The following PCDHA10 variants were observed in gnomAD, a reference collection of about 807,000 sequenced individuals.
PCDHA10 encodes the protein protocadherin alpha 10, also known as protocadherin alpha-10.
Under a neutral mutation model 61.2 loss-of-function variants are expected in PCDHA10, and 45 were observed. The ratio of observed to expected loss-of-function variants is 0.74; its 90% CI spans 0.58 to 0.94. The LOEUF is 0.94. PCDHA10 is among the 40% of genes least tolerant of loss of function. The pLI is 0.00. For missense variants in PCDHA10, 1,278 were observed against 1,236.2 expected, an observed-to-expected ratio of 1.03 and a Z score of -0.51; for synonymous variants, 602 against 548.8, an observed-to-expected ratio of 1.10 and a Z score of -1.35.
At chr5:140,926,942 C>CT in intron 1 of PCDHA10, 1 of 1,585,854 alleles carries the variant, frequency 6.3e-7, no homozygotes, top group Non-Finnish European at 8.6e-7. Flanking sequence ...TCCTGCGGCG[C>CT]TGCAGCGGGA....
chr5:141,006,405 C>A (rs782532612), intron 3 of PCDHA10, among the ~76,000 whole-genome samples: 1 of 151,798 alleles, frequency 6.6e-6, no homozygotes, highest in Non-Finnish European at 1.5e-5. Context: ...AGTAGAGACG[C>A]GGTTTCACTG....
intron 1 of PCDHA10, among the ~76,000 whole-genome samples, chr5:140,886,827 G>GAAA (rs782016620): frequency 3.3e-5 from 2 of 60,922 alleles, no homozygotes; most frequent in Non-Finnish European, 6.7e-5. Flanking sequence ...ACTTCGTCTT[G>GAAA]AAAAAAAAAA....
At chr5:140,948,273 T>A (rs1563231021) in intron 1 of PCDHA10, among the ~76,000 whole-genome samples, 1 of 151,602 alleles carries the variant, frequency 6.6e-6, no homozygotes, top group South Asian at 2.1e-4. Context: ...ATGTAGAATA[T>A]CTGTAAATAA....
chr5:140,929,736 T>A, intron 1 of PCDHA10: 1 of 201,874 alleles, frequency 5.0e-6, no homozygotes, highest in Non-Finnish European at 1.1e-5. Context: ...CTTAAACTAT[T>A]GCAATGCATT....
At chr5:140,894,223 T>C (rs2064371572) in intron 1 of PCDHA10, among the ~76,000 whole-genome samples, 1 of 152,124 alleles carries the variant, frequency 6.6e-6, no homozygotes. Context: ...ATTTTAAAGA[T>C]GTTGAATGAC....
intron 1 of PCDHA10, among the ~76,000 whole-genome samples, chr5:140,906,981 G>A (rs1554192831): frequency 6.6e-6 from 1 of 152,122 alleles, no homozygotes; most frequent in Non-Finnish European, 1.5e-5. Flanking sequence ...GTCTTCTGGT[G>A]GCAGCATTCC....
chr5:140,863,062 G>C (rs62384481), intron 1 of PCDHA10: 2 of 565,590 alleles, frequency 3.5e-6, no homozygotes, highest in African/African-American at 3.8e-5. Flanking sequence ...CCCGTTCCAC[G>C]TGGGGCTCTG....
intron 1 of PCDHA10, among the ~76,000 whole-genome samples, chr5:140,965,212 T>G (rs1360102713): frequency 6.6e-6 from 1 of 152,180 alleles, no homozygotes; most frequent in African/African-American, 2.4e-5. Context: ...CAAATTCCTG[T>G]GGAAGAAATG....
chr5:140,983,009 G>C (rs1272086703), intron 3 of PCDHA10, among the ~76,000 whole-genome samples: 2 of 151,884 alleles, frequency 1.3e-5, no homozygotes, highest in Non-Finnish European at 2.9e-5. Flanking sequence ...AAAGAAAAAG[G>C]AAGGAAGGAA....
intron 1 of PCDHA10, among the ~76,000 whole-genome samples, chr5:140,941,211 C>CT (rs59928198): frequency 0.24 from 30,589 of 127,372 alleles, 3,669 homozygotes; most frequent in South Asian, 0.38. Context: ...TCCTTTCTTT[C>CT]TTCCTTTCTT....
Position 140,857,545 on chromosome 5 carries a change from C to A in PCDHA10, c.1497C>A (p.Gly499=), listed in dbSNP as rs782516369. 1 of 1,596,810 alleles carries A rather than the reference C, an allele frequency of 6.3e-7. No homozygotes were observed. The highest frequency in any genetic ancestry group is 1.3e-5 in the African/African-American group (1 of 74,390). The change falls in exon 1 of 4, where the codon GGC becomes GGA. Residue 499 remains glycine, a synonymous_variant. Transcript: ENST00000307360. Reference sequence around the variant, plus strand: ...ACTCTCTGGTGGAGCGGCGGTTGGGCGAGCGCTCGCTGTCGAGCTACGTGT... The same window carrying A: ...ACTCTCTGGTGGAGCGGCGGTTGGGAGAGCGCTCGCTGTCGAGCTACGTGT... ...VSYSLVERRL[G]ERSLSSYVSV...
chr5:140,962,028 C>T (rs1046578713), intron 1 of PCDHA10, among the ~76,000 whole-genome samples: 81 of 152,150 alleles, frequency 5.3e-4, no homozygotes, highest in African/African-American at 1.8e-3. Context: ...GGACTACAGG[C>T]ACCCACCACC....
chr5:140,959,729 C>T (rs910806194), intron 1 of PCDHA10, among the ~76,000 whole-genome samples: 3 of 152,126 alleles, frequency 2.0e-5, no homozygotes, highest in South Asian at 4.1e-4. Context: ...ATAACATTAT[C>T]TCATCAAAAT....
intron 1 of PCDHA10, among the ~76,000 whole-genome samples, chr5:140,951,950 G>A (rs1408300368): frequency 6.6e-6 from 1 of 152,120 alleles, no homozygotes; most frequent in Non-Finnish European, 1.5e-5. Flanking sequence ...GCGGGTACAG[G>A]CATTGGGTAA....
At position 140,983,424 on chromosome 5, in the gene PCDHA10, A is replaced by G. The variant is rs115903969; in HGVS notation, c.2536+861A>G. On this transcript the variant is annotated intron_variant, in intron 3 of 3. Transcript: ENST00000307360. ...GGAAGATTAAGTGTTGGTAGAGACC[A>G]CAAATTGTGTCTACTCTAATCCTCT... Among the ~76,000 whole-genome samples, 1,234 of 152,366 alleles carry G rather than the reference A, an allele frequency of 8.1e-3. 22 individuals are homozygous for G. Among genetic ancestry groups the G allele is most frequent in the African/African-American group, 0.028 (1,160 of 41,578 alleles).
At chr5:140,885,664 A>G (rs2060680895) in intron 1 of PCDHA10, among the ~76,000 whole-genome samples, 1 of 152,174 alleles carries the variant, frequency 6.6e-6, no homozygotes, top group Non-Finnish European at 1.5e-5. Context: ...ACCAGTTATG[A>G]GCACTCTTTC....
intron 3 of PCDHA10, among the ~76,000 whole-genome samples, chr5:141,003,395 T>G (rs1217089473): frequency 6.6e-6 from 1 of 152,160 alleles, no homozygotes; most frequent in Non-Finnish European, 1.5e-5. Flanking sequence ...CACTGAAACC[T>G]CCGCCTCCCG....
rs1233644213 is a variant in PCDHA10, at chr5:140,858,053, G to C, written c.2005G>C (p.Val669Leu). The C allele has an allele frequency of 3.1e-6, 5 of 1,597,600 alleles. No homozygotes were observed. The highest frequency in any genetic ancestry group is 4.3e-6 in the Non-Finnish European group (5 of 1,167,538). The stretch of plus-strand genomic sequence containing the variant: ...CACGGCCACTGTGCTTGTGTCGCTT[G>C]TGGAGGGCAGCCAGGCACCCAAGGC... Reference protein sequence around the residue: ...TATATVLVSLVEGSQAPKASS... With the variant: ...TATATVLVSLLEGSQAPKASS... The change falls in exon 1 of 4, where the codon GTG becomes CTG. Residue 669 changes from valine (V) to leucine (L), a missense_variant. Coordinates refer to ENST00000307360, the MANE Select transcript of PCDHA10 (RefSeq NM_018901.4).
At chr5:140,876,473 G>C in intron 1 of PCDHA10, 7 of 1,614,038 alleles carry the variant, frequency 4.3e-6, no homozygotes, top group African/African-American at 2.7e-5. Flanking sequence ...GCAGGTCACA[G>C]CATGGTCCTG....
Sources: gnomAD v4.1 joint callset for allele counts (sites outside exome capture counted in the v4.1 genomes callset) on GRCh38, gnomAD v4.1.1 for gene constraint, MANE v1.5 for transcripts, NCBI Gene and HGNC (gene_info 2026-07-23, HGNC 2026-07-21) for gene names.